Variants in ITGA2 observed in about 807,000 individuals in gnomAD.
ITGA2 encodes the protein integrin alpha-2.
A neutral mutation model predicts 146.3 loss-of-function variants in ITGA2; 101 were observed. The ratio of observed to expected loss-of-function variants is 0.69; its 90% CI spans 0.59 to 0.81. The LOEUF (loss-of-function observed/expected upper bound fraction) is 0.81, where lower values mean the gene tolerates loss of function less well. Ranked by LOEUF, ITGA2 falls within the 40% of genes least tolerant of loss-of-function variation. The pLI is 0.00. For synonymous variants in ITGA2, 477 were observed against 487.1 expected (o/e 0.98, Z 0.27); for missense variants, 1,281 against 1,402.7 (o/e 0.91, Z 1.39).
intron 2 of ITGA2, among the ~76,000 whole-genome samples, chr5:53,033,959 T>C (rs2111848778): frequency 6.6e-6 from 1 of 152,122 alleles, no homozygotes; most frequent in Middle Eastern, 3.4e-3. Context: ...GACACGAGGT[T>C]TCACCGTGTT....
rs369350934 is a variant in ITGA2, at chr5:53,073,292, A to G, written c.2571+33A>G. 1,372 of 1,608,682 alleles carry G rather than the reference A, an allele frequency of 8.5e-4. 2 individuals are homozygous for G. Among genetic ancestry groups the G allele is most frequent in the Non-Finnish European group, 1.1e-3 (1,329 of 1,175,954 alleles). ...ATGAGACCCTGTACTTACTTCCACCATGCTTCCTACTTATAGATCACTGTC... is the reference window on the plus strand; with the variant it reads ...ATGAGACCCTGTACTTACTTCCACCGTGCTTCCTACTTATAGATCACTGTC... On this transcript the variant is annotated intron_variant, in intron 20 of 29. Transcript: ENST00000296585.
chr5:52,989,666 C>T (rs747552367), intron 1 of ITGA2, 134 bp downstream of exon 1: 3 of 941,908 alleles, frequency 3.2e-6, no homozygotes, highest in Non-Finnish European at 5.1e-6. Flanking sequence ...CTCGGGCTCC[C>T]AGCCACCAGG....
chr5:53,012,674 C>T (rs1742195735), intron 1 of ITGA2, among the ~76,000 whole-genome samples: 1 of 152,112 alleles, frequency 6.6e-6, no homozygotes, highest in South Asian at 2.1e-4. Flanking sequence ...GAGAAGTCAC[C>T]AAACTGCTTT....
At chr5:53,062,676 A>G in intron 12 of ITGA2, 110 bp from the exon 13 acceptor site, 1 of 1,202,522 alleles carries the variant, frequency 8.3e-7, no homozygotes, top group Non-Finnish European at 1.2e-6. Context: ...CACTTTGCAA[A>G]TAGTAAACAC....
chr5:53,041,788 T>G (rs1743808189), intron 2 of ITGA2, among the ~76,000 whole-genome samples: 2 of 152,196 alleles, frequency 1.3e-5, no homozygotes, highest in African/African-American at 4.8e-5. Flanking sequence ...ATTTCACCTG[T>G]TGCTTTTTAT....
chr5:53,085,970 T>A (rs1287652045), intron 27 of ITGA2, among the ~76,000 whole-genome samples: 1 of 152,126 alleles, frequency 6.6e-6, no homozygotes, highest in East Asian at 1.9e-4. Context: ...GTGCAGTGGC[T>A]TGATCTCAGC....
At chr5:53,026,114 C>T (rs1742932988) in intron 1 of ITGA2, among the ~76,000 whole-genome samples, 1 of 152,108 alleles carries the variant, frequency 6.6e-6, no homozygotes, top group African/African-American at 2.4e-5. Context: ...AGATATGACA[C>T]CAATCCCTAC....
At chr5:52,996,003 G>T (rs144297056) in intron 1 of ITGA2, among the ~76,000 whole-genome samples, 1 of 152,160 alleles carries the variant, frequency 6.6e-6, no homozygotes, top group African/African-American at 2.4e-5. Context: ...AAGAAGTCAA[G>T]CAAGTTGATA....
rs138787644 is a variant in ITGA2 at position 53,080,588 on chromosome 5, A to G, written c.3006A>G (p.Pro1002=). 1.2e-6 allele frequency: 2 copies of G among 1,613,638 alleles called. No homozygotes were observed. Among genetic ancestry groups the G allele is most frequent in the African/African-American group, 1.3e-5 (1 of 75,012 alleles). The part of the protein sequence containing the change: ...HIPQYTKEKN[P]LMYLTGVQTD... ...CTCAGTATACCAAAGAAAAGAACCCACTGATGTACCTAACTGGGGTGCAAA... is the reference window on the plus strand; with the variant it reads ...CTCAGTATACCAAAGAAAAGAACCCGCTGATGTACCTAACTGGGGTGCAAA... Residue 1002 remains proline (P), a synonymous_variant, in exon 25 of 30, where the codon CCA becomes CCG. Coordinates refer to ENST00000296585, the MANE Select transcript of ITGA2 (RefSeq NM_002203.4).
intron 29 of ITGA2, 92 bp downstream of exon 29, chr5:53,090,154 C>A (rs1418089692): frequency 6.2e-6 from 5 of 800,300 alleles, no homozygotes; most frequent in South Asian, 1.4e-5. Context: ...TTATATGGTA[C>A]CTTCTCTATC....
chr5:53,066,071 G>T (rs961549577), intron 15 of ITGA2, 94 bp downstream of exon 15: 12 of 1,157,478 alleles, frequency 1.0e-5, no homozygotes, highest in Non-Finnish European at 1.4e-5. Context: ...AATGCCACAT[G>T]CATTCTATAA....
intron 19 of ITGA2, 102 bp downstream of exon 19, chr5:53,072,797 A>T (rs1202231103): frequency 1.0e-6 from 1 of 1,001,528 alleles, no homozygotes. Flanking sequence ...CAAAAGAAAC[A>T]TTCATAACTC....
chr5:53,076,645 T>TA (rs1462890541), intron 23 of ITGA2, among the ~76,000 whole-genome samples: 19 of 152,188 alleles, frequency 1.2e-4, no homozygotes, highest in African/African-American at 4.3e-4. Flanking sequence ...TTTTTGTCAA[T>TA]ACAGTCTTTT....
At position 53,004,925 on chromosome 5, in the gene ITGA2, T is replaced by C. The variant is rs1176260700; in HGVS notation, c.64+15393T>C. Among the ~76,000 whole-genome samples the C allele has an allele frequency of 2.1e-3, 81 of 37,748 alleles. 1 individual carries two copies. The South Asian group carries it at 0.063, about 29-fold the overall frequency. 24.8% of individuals were successfully genotyped at this position (37,748 alleles called of 152,430 possible). ...TTTTTTTTTTTTTTTTTTTTTTTTT[T>C]TTTTTTTTGGAGGGGGAGGAGAGGA... is the stretch of plus-strand genomic sequence containing the variant. On this transcript the variant is annotated intron_variant, in intron 1 of 29. Coordinates refer to ENST00000296585, the MANE Select transcript of ITGA2 (RefSeq NM_002203.4).
rs888916073 is a variant in ITGA2 at position 53,085,989 on chromosome 5, A to G, written c.3259-963A>G. Among the ~76,000 whole-genome samples, 12 of 152,098 alleles carry G rather than the reference A, an allele frequency of 7.9e-5. 1 individual carries two copies. The highest frequency in any genetic ancestry group is 1.5e-4 in the Non-Finnish European group (10 of 68,016). ...AGTGGCTTGATCTCAGCTCACTGCAACCTGTGCCTCCTGGGTTCAAGTGAT... is the reference window on the plus strand; with the variant it reads ...AGTGGCTTGATCTCAGCTCACTGCAGCCTGTGCCTCCTGGGTTCAAGTGAT... On this transcript the variant is annotated intron_variant, in intron 27 of 29. Coordinates refer to ENST00000296585, the MANE Select transcript of ITGA2 (RefSeq NM_002203.4).
chr5:53,041,808 G>A (rs1743808816), intron 2 of ITGA2, among the ~76,000 whole-genome samples: 1 of 152,008 alleles, frequency 6.6e-6, no homozygotes, highest in Admixed American at 6.6e-5. Context: ...TGTTCTTAAT[G>A]TAGCTGGCTA....
chr5:53,034,021 C>T (rs62357233), intron 2 of ITGA2, among the ~76,000 whole-genome samples: 42,033 of 151,956 alleles, frequency 0.28, 5,890 homozygotes, highest in Admixed American at 0.32. Context: ...CTCAGCCTCC[C>T]AAAGTGCTGG....
intron 27 of ITGA2, 39 bp from the exon 28 acceptor site, chr5:53,086,913 C>A: frequency 1.4e-6 from 2 of 1,472,232 alleles, no homozygotes; most frequent in Non-Finnish European, 1.9e-6. Context: ...GCATTTGCTG[C>A]TGCTACGATA....
At chr5:53,071,799 A>C in intron 17 of ITGA2, 139 bp from the exon 18 acceptor site, 1 of 712,230 alleles carries the variant, frequency 1.4e-6, no homozygotes, top group South Asian at 1.5e-5. Context: ...TATTCACAAC[A>C]AAGATATTCT....
Sources: gnomAD v4.1 joint callset for allele counts (sites outside exome capture counted in the v4.1 genomes callset) on GRCh38, gnomAD v4.1.1 for gene constraint, MANE v1.5 for transcripts, NCBI Gene and HGNC (gene_info 2026-07-23, HGNC 2026-07-21) for gene names.